The following PIN4 variants were observed in gnomAD, a reference collection of about 807,000 sequenced individuals.
The protein encoded by PIN4 is peptidylprolyl cis/trans isomerase, NIMA-interacting 4.
Under a neutral mutation model 8.3 loss-of-function variants are expected in PIN4, and 3 were observed. That is an observed-to-expected ratio of 0.36 (90% CI 0.16 to 0.93). The LOEUF (loss-of-function observed/expected upper bound fraction) is 0.93. Ranked by LOEUF, PIN4 falls within the 40% of genes least tolerant of loss-of-function variation. The pLI, the probability that PIN4 is intolerant of heterozygous loss-of-function variation, is 0.44. For missense variants in PIN4, 75 were observed against 100.6 expected (o/e 0.75, Z 1.09); for synonymous variants, 18 against 32.5 (o/e 0.55, Z 1.52).
intron 3 of PIN4, among the ~76,000 whole-genome samples, chrX:72,232,273 T>TA (rs56070381): frequency 1.1e-3 from 67 of 61,406 alleles, no homozygotes; most frequent in Admixed American, 1.4e-3. Flanking sequence ...GAAGGAGTAT[T>TA]AAAAAAAAAA....
intron 3 of PIN4, among the ~76,000 whole-genome samples, chrX:72,219,170 C>T (rs1449973198): frequency 1.8e-5 from 2 of 111,584 alleles, no homozygotes; most frequent in Non-Finnish European, 3.8e-5. Flanking sequence ...GCAGGAGAAT[C>T]GCTTGAACCC....
chrX:72,205,855 G>A, intron 3 of PIN4: 1 of 1,211,545 alleles, frequency 8.3e-7, no homozygotes, highest in East Asian at 3.0e-5. Context: ...ATGCTCTAAA[G>A]ACTGACTGGA....
chrX:72,256,257 G>T (rs779348328), intron 3 of PIN4, among the ~76,000 whole-genome samples: 1 of 112,102 alleles, frequency 8.9e-6, no homozygotes, highest in East Asian at 2.8e-4. Flanking sequence ...GTGTTCCAGA[G>T]AAATCAAACC....
chrX:72,243,393 T>A (rs1221493615), intron 3 of PIN4, among the ~76,000 whole-genome samples: 1 of 110,800 alleles, frequency 9.0e-6, no homozygotes, highest in African/African-American at 3.3e-5. Flanking sequence ...TTTTTTTTTT[T>A]AAGGTCCTCA....
chrX:72,224,799 T>C (rs1487116729), intron 3 of PIN4, among the ~76,000 whole-genome samples: 2 of 111,060 alleles, frequency 1.8e-5, no homozygotes, highest in Non-Finnish European at 3.8e-5. Context: ...GTAAATCCTA[T>C]AGTATGGAAC....
intron 2 of PIN4, among the ~76,000 whole-genome samples, chrX:72,195,169 G>T (rs1416807499): frequency 8.9e-6 from 1 of 112,247 alleles, no homozygotes; most frequent in Non-Finnish European, 1.9e-5. Flanking sequence ...CTGCGAAACA[G>T]CTATCTTGAC....
chrX:72,260,804 C>T (rs1480144161), intron 3 of PIN4, among the ~76,000 whole-genome samples: 1 of 112,035 alleles, frequency 8.9e-6, no homozygotes, highest in Non-Finnish European at 1.9e-5. Flanking sequence ...TCCCATCAGT[C>T]ACCAAGGCCT....
At chrX:72,189,202 G>A (rs921842340) in intron 2 of PIN4, among the ~76,000 whole-genome samples, 2 of 111,057 alleles carry the variant, frequency 1.8e-5, no homozygotes, top group East Asian at 2.8e-4. Flanking sequence ...GAAATAATAC[G>A]TATTCCTTTG....
chrX:72,202,523 G>GTGGTAGA (rs1439283511), downstream of PIN4, among the ~76,000 whole-genome samples: 1 of 112,129 alleles, frequency 8.9e-6, no homozygotes, highest in East Asian at 2.8e-4. Context: ...ATTTTTGTGT[G>GTGGTAGA]TGGTAGAAGG....
At chrX:72,238,983 CTTAGAGT>C in intron 3 of PIN4, 74 of 1,026,393 alleles carry the variant, frequency 7.2e-5, no homozygotes, top group Non-Finnish European at 9.4e-5. Context: ...GAGCTTGGAG[CTTAGAGT>C]TTGGAGCTTG....
chrX:72,235,109 A>G (rs1375942205), intron 3 of PIN4, among the ~76,000 whole-genome samples: 1 of 112,254 alleles, frequency 8.9e-6, no homozygotes, highest in Admixed American at 9.5e-5. Context: ...TGTTAAAACA[A>G]CACAAAGTAT....
At chrX:72,218,078 G>C (rs776446693) in intron 3 of PIN4, among the ~76,000 whole-genome samples, 1 of 110,488 alleles carries the variant, frequency 9.1e-6, no homozygotes, top group African/African-American at 3.3e-5. Flanking sequence ...AGACCATCCT[G>C]ACTAACACGG....
intron 2 of PIN4, among the ~76,000 whole-genome samples, chrX:72,196,199 C>G (rs1010704466): frequency 9.0e-6 from 1 of 110,909 alleles, no homozygotes; most frequent in African/African-American, 3.3e-5. Flanking sequence ...CAACCCGTAT[C>G]GTGTTTCCTC....
At chrX:72,238,943 GGGAGTTT>G (rs202000886) in intron 3 of PIN4, 1 of 1,124,328 alleles carries the variant, frequency 8.9e-7, no homozygotes. Flanking sequence ...TTACCCCGGC[GGGAGTTT>G]GGAGCTTGGA....
intron 3 of PIN4, chrX:72,238,976 C>A (rs1046967637): frequency 1.1e-4 from 114 of 1,043,210 alleles, no homozygotes; most frequent in Non-Finnish European, 1.5e-4. Flanking sequence ...GAGCTTGGAG[C>A]TTGGAGCTTA....
intron 3 of PIN4, among the ~76,000 whole-genome samples, chrX:72,220,321 A>G (rs1008322142): frequency 1.9e-4 from 21 of 111,851 alleles, no homozygotes; most frequent in African/African-American, 4.5e-4. Flanking sequence ...TAGACTTTCT[A>G]TTATCAAAAA....
chrX:72,234,616 G>A (rs1253946321), intron 3 of PIN4, among the ~76,000 whole-genome samples: 1 of 111,193 alleles, frequency 9.0e-6, no homozygotes, highest in Non-Finnish European at 1.9e-5. Flanking sequence ...GAAAGAATTG[G>A]TGGGCTGAAG....
At chrX:72,183,870 C>T (rs1208162856) in intron 1 of PIN4, among the ~76,000 whole-genome samples, 1 of 111,103 alleles carries the variant, frequency 9.0e-6, no homozygotes, top group Non-Finnish European at 1.9e-5. Flanking sequence ...GCAGGGACAC[C>T]TTATGCTTGA....
intron 3 of PIN4, among the ~76,000 whole-genome samples, chrX:72,256,910 C>G (rs1306623502): frequency 8.9e-6 from 1 of 112,113 alleles, no homozygotes; most frequent in Non-Finnish European, 1.9e-5. Flanking sequence ...GTAGCTGGAA[C>G]AGAGCAAGGG....
Sources: gnomAD v4.1 joint callset for allele counts (sites outside exome capture counted in the v4.1 genomes callset) on GRCh38, gnomAD v4.1.1 for gene constraint, MANE v1.5 for transcripts, NCBI Gene and HGNC (gene_info 2026-07-23, HGNC 2026-07-21) for gene names.